The following TTK variants were observed in gnomAD, a reference collection of about 807,000 sequenced individuals.
The protein encoded by TTK is TTK protein kinase.
TTK carries 59 observed loss-of-function variants against 117.3 expected under a neutral mutation model. The observed-to-expected ratio is 0.50, with a 90% CI of 0.41 to 0.62. The LOEUF (loss-of-function observed/expected upper bound fraction) is 0.62, where lower values mean the gene tolerates loss of function less well. Ranked by LOEUF, TTK falls within the 20% of genes least tolerant of loss-of-function variation. The pLI is 0.00. For missense variants in TTK, 921 were observed against 989.4 expected (o/e 0.93, Z 0.93); for synonymous variants, 302 against 325.0 (o/e 0.93, Z 0.76).
In TTK at chr6:80,040,320, A is replaced by G. The variant is rs370395213; in HGVS notation, c.2392+40A>G. 1.5e-4 allele frequency: 211 copies of G among 1,451,746 alleles called. 1 individual carries two copies. Among genetic ancestry groups the G allele is most frequent in the Non-Finnish European group, 1.9e-4 (198 of 1,065,526 alleles). 89.9% of individuals were successfully genotyped at this position (1,451,746 alleles called of 1,614,324 possible). A position where few individuals can be genotyped will look rare whatever the true frequency, so the allele number is the denominator to read the frequency against. On this transcript the variant is annotated intron_variant, in intron 20 of 21. Transcript: ENST00000369798. ...AAAATTTGTTTATTACTAGATTGGT[A>G]GTATAAACAGTCTGTTACCTATTAA...
At chr6:80,018,918 ATCAGATGTTTTT>A (rs1352099489) in intron 10 of TTK, among the ~76,000 whole-genome samples, 2 of 152,048 alleles carry the variant, frequency 1.3e-5, no homozygotes, top group East Asian at 3.9e-4. Context: ...GTTGAATTTT[ATCAGATGTTTTT>A]TCTGCATCTA....
chr6:80,011,711 T>G lies in TTK; in HGVS notation c.729-18T>G, dbSNP rs775772398. Reference sequence around the variant, plus strand: ...ATATTGTTCTTTGAAAAATTGGGGGTATTTTCTTTCTGTTTAGAGAGAACA... The same window carrying G: ...ATATTGTTCTTTGAAAAATTGGGGGGATTTTCTTTCTGTTTAGAGAGAACA... On this transcript the variant is annotated intron_variant, in intron 6 of 21. Transcript: ENST00000369798. The G allele has an allele frequency of 3.1e-6, 5 of 1,610,214 alleles. No individual in the cohort carries two copies. The highest frequency in any genetic ancestry group is 4.2e-6 in the Non-Finnish European group (5 of 1,178,042).
At chr6:80,027,825 G>A (rs1441159109) in intron 12 of TTK, 60 bp from the exon 13 acceptor site, 18 of 1,317,266 alleles carry the variant, frequency 1.4e-5, no homozygotes, top group Non-Finnish European at 1.6e-5. Context: ...ACATGAAACT[G>A]AATCAGACTT....
chr6:80,040,136 A>G, intron 19 of TTK, 60 bp from the exon 20 acceptor site: 1 of 1,285,742 alleles, frequency 7.8e-7, no homozygotes, highest in East Asian at 2.5e-5. Flanking sequence ...AAAATACTTT[A>G]TCAATATCAT....
intron 4 of TTK, among the ~76,000 whole-genome samples, chr6:80,010,445 A>C (rs1051900926): frequency 4.7e-5 from 7 of 148,614 alleles, no homozygotes; most frequent in African/African-American, 1.7e-4. Flanking sequence ...CTTTTGTAAC[A>C]TCTAGAATGC....
chr6:80,010,795 T>G lies in TTK; in HGVS notation c.470-19T>G. 6.2e-7 allele frequency: 1 copy of G among 1,600,066 alleles called. No homozygotes were observed. The highest frequency in any genetic ancestry group is 8.5e-7 in the Non-Finnish European group (1 of 1,171,256). On this transcript the variant is annotated intron_variant, in intron 4 of 21. Transcript: ENST00000369798. The stretch of plus-strand genomic sequence containing the variant: ...GCATTTTACTGCCTAAAAATGACAA[T>G]TATCTTTTGCTTTGTTAGGTAATGT...
At chr6:80,031,927 G>C (rs1767770502) in intron 14 of TTK, among the ~76,000 whole-genome samples, 1 of 152,058 alleles carries the variant, frequency 6.6e-6, no homozygotes, top group Admixed American at 6.6e-5. Context: ...CATTCAGCAA[G>C]GATTTTTACT....
chr6:80,023,436 A>C (rs909000581), intron 11 of TTK, among the ~76,000 whole-genome samples: 2 of 152,110 alleles, frequency 1.3e-5, no homozygotes, highest in African/African-American at 4.8e-5. Flanking sequence ...TACTAAAAAT[A>C]CAAAAAATTA....
intron 12 of TTK, 142 bp from the exon 13 acceptor site, chr6:80,027,743 G>A: frequency 2.0e-6 from 1 of 492,856 alleles, no homozygotes; most frequent in Non-Finnish European, 3.4e-6. Flanking sequence ...TGGAATAAGT[G>A]TCAGCTATAT....
chr6:80,038,100 C>A, intron 18 of TTK, 53 bp downstream of exon 18: 3 of 1,335,736 alleles, frequency 2.2e-6, no homozygotes, highest in Non-Finnish European at 3.2e-6. Context: ...AGGGAATGCA[C>A]TATTTTCTGA....
rs751549680 is a variant in TTK at position 80,035,268 on chromosome 6, A to C, written c.1775A>C (p.Glu592Ala). Residue 592 changes from glutamate (E) to alanine (A), a missense_variant and splice_region_variant, in exon 16 of 22, where the codon GAA (glutamate) becomes GCA (alanine). By Grantham distance (107) the Glu-to-Ala change is moderately radical (BLOSUM62 -1). Transcript: ENST00000369798. The stretch of plus-strand genomic sequence containing the variant: ...TGCTTTTATTTGTTTAATTGCAGTG[A>C]AATCACGGACCAGTACATCTACATG... Reference protein sequence around the residue: ...SDKIIRLYDYEITDQYIYMVM... With the variant: ...SDKIIRLYDYAITDQYIYMVM... The C allele has an allele frequency of 3.2e-6, 5 of 1,584,262 alleles. No individual in the cohort carries two copies. The African/African-American group carries it at 6.8e-5, about 22-fold the overall frequency.
chr6:80,039,991 T>G, intron 19 of TTK, 119 bp downstream of exon 19: 1 of 1,054,886 alleles, frequency 9.5e-7, no homozygotes, highest in South Asian at 2.5e-5. Context: ...CTGAATTAGT[T>G]TTTTTACTTT....
chr6:80,005,153 C>G (rs1766954093), intron 1 of TTK, among the ~76,000 whole-genome samples: 1 of 152,088 alleles, frequency 6.6e-6, no homozygotes, highest in Non-Finnish European at 1.5e-5. Context: ...GACGGGGCAG[C>G]ATTGTTATCA....
At chr6:80,022,250 ATGTTC>A in intron 10 of TTK, 69 bp from the exon 11 acceptor site, 3 of 1,456,256 alleles carry the variant, frequency 2.1e-6, no homozygotes, top group Non-Finnish European at 2.8e-6. Flanking sequence ...AGTTTGTAAT[ATGTTC>A]TGTTGTTTAG....
chr6:80,008,988 TTAAAA>T (rs1283007274), intron 4 of TTK, among the ~76,000 whole-genome samples: 2 of 144,288 alleles, frequency 1.4e-5, no homozygotes, highest in African/African-American at 2.5e-5. Context: ...TGGTAGTTCT[TTAAAA>T]TAAAAAAGTA....
chr6:80,008,833 G>C (rs1253870220), intron 4 of TTK, among the ~76,000 whole-genome samples: 2 of 151,818 alleles, frequency 1.3e-5, no homozygotes, highest in African/African-American at 4.8e-5. Flanking sequence ...TAAATATCTA[G>C]AGCTTACATA....
At chr6:80,024,105 TAAC>T (rs1365901377) in intron 11 of TTK, among the ~76,000 whole-genome samples, 3 of 152,198 alleles carry the variant, frequency 2.0e-5, no homozygotes, top group Non-Finnish European at 2.9e-5. Flanking sequence ...CAAGAGACAA[TAAC>T]AAGTGTTGGC....
chr6:80,039,015 A>G (rs1329180450), intron 18 of TTK, among the ~76,000 whole-genome samples: 1 of 152,124 alleles, frequency 6.6e-6, no homozygotes, highest in Non-Finnish European at 1.5e-5. Context: ...GACACATAGC[A>G]TTACCAGTTA....
At position 80,022,340 on chromosome 6, in the gene TTK, A is replaced by G. The variant is rs1306319394; in HGVS notation, c.1125A>G (p.Gln375=). ...LAKLEETKEY[Q]EPEVPESNQK... Reference sequence around the variant, plus strand: ...CAATTTCAGAAACTAAAGAGTATCAAGAACCAGAGGTTCCAGAGAGTAACC... The same window carrying G: ...CAATTTCAGAAACTAAAGAGTATCAGGAACCAGAGGTTCCAGAGAGTAACC... The change falls in exon 11 of 22, where the codon CAA becomes CAG. Residue 375 remains glutamine, a synonymous_variant. Transcript: ENST00000369798. 1 of 1,611,490 alleles carries G rather than the reference A, an allele frequency of 6.2e-7. No individual in the cohort carries two copies. Among genetic ancestry groups the G allele is most frequent in the East Asian group, 2.2e-5 (1 of 44,832 alleles).
Sources: gnomAD v4.1 joint callset for allele counts (sites outside exome capture counted in the v4.1 genomes callset) on GRCh38, gnomAD v4.1.1 for gene constraint, MANE v1.5 for transcripts, NCBI Gene and HGNC (gene_info 2026-07-23, HGNC 2026-07-21) for gene names.